KIF14: variants seen among roughly 807,000 people sequenced by gnomAD.
KIF14 encodes the protein kinesin-like protein KIF14.
In KIF14, 98 loss-of-function variants were observed where a neutral mutation model predicts 176.2. The ratio of observed to expected loss-of-function variants is 0.56; its 90% CI spans 0.47 to 0.66. KIF14 has a LOEUF of 0.66. Ranked by LOEUF, KIF14 falls within the 30% of genes least tolerant of loss-of-function variation. The probability of loss-of-function intolerance (pLI) is 0.00; values close to 1 mark genes in which losing one functional copy is unlikely to be tolerated. For synonymous variants in KIF14, 566 were observed against 632.2 expected, an observed-to-expected ratio of 0.90 and a Z score of 1.57; for missense variants, 1,751 against 1,920.4, an observed-to-expected ratio of 0.91 and a Z score of 1.65.
chr1:200,618,144 TA>T lies in KIF14; in HGVS notation c.579del (p.Asp193GlufsTer32). On this transcript the variant is annotated frameshift_variant, in exon 2 of 30. Coordinates refer to ENST00000367350, the MANE Select transcript of KIF14 (RefSeq NM_014875.3). LOFTEE classifies it high-confidence loss of function. The stretch of plus-strand genomic sequence containing the variant: ...GCAGAAAATGTTTCTTTGTATTTCT[TA>T]TCAGCCATCATTTCAATGACCTGTG... The part of the protein sequence containing the change: ...EDPQVIEMMA[D>X]KKYKETFSAP... The T allele has an allele frequency of 6.2e-7, 1 of 1,614,082 alleles. No homozygotes were observed. The highest frequency in any genetic ancestry group is 8.5e-7 in the Non-Finnish European group (1 of 1,180,014).
At chr1:200,605,236 C>T (rs1202360916) in intron 8 of KIF14, 47 bp downstream of exon 8, 1 of 1,522,284 alleles carries the variant, frequency 6.6e-7, no homozygotes, top group African/African-American at 1.4e-5. Context: ...TCTGGGTTAT[C>T]ACCAGGGTGA....
intron 2 of KIF14, among the ~76,000 whole-genome samples, chr1:200,616,559 C>A (rs773102097): frequency 2.0e-5 from 3 of 152,188 alleles, no homozygotes; most frequent in African/African-American, 4.8e-5. Context: ...GTATAACTTG[C>A]CTTTAACTAC....
chr1:200,610,366 C>T (rs149450549), intron 4 of KIF14, among the ~76,000 whole-genome samples: 2,783 of 151,902 alleles, frequency 0.018, 99 homozygotes, highest in East Asian at 0.13. Context: ...AAAAATTAGC[C>T]GGGCGTGGTG....
At chr1:200,567,369 G>A (rs1300228200) in intron 23 of KIF14, among the ~76,000 whole-genome samples, 6 of 151,692 alleles carry the variant, frequency 4.0e-5, no homozygotes, top group Non-Finnish European at 7.4e-5. Context: ...GTGAAACCCC[G>A]TCTCTACTAA....
chr1:200,556,860 T>C (rs996137556), intron 27 of KIF14, among the ~76,000 whole-genome samples: 9 of 152,218 alleles, frequency 5.9e-5, no homozygotes. Context: ...TGAATGAGCC[T>C]TTGACAGCCC....
chr1:200,587,952 G>C (rs1018751412), intron 18 of KIF14, among the ~76,000 whole-genome samples: 1 of 152,088 alleles, frequency 6.6e-6, no homozygotes, highest in African/African-American at 2.4e-5. Flanking sequence ...TATAATAACT[G>C]TATTATGGTA....
At chr1:200,590,335 C>T in intron 16 of KIF14, 63 bp from the exon 17 acceptor site, 2 of 1,349,294 alleles carry the variant, frequency 1.5e-6, no homozygotes, top group Non-Finnish European at 2.0e-6. Flanking sequence ...CATAATAGTT[C>T]TTAATCCTAC....
At chr1:200,556,895 C>T (rs986928444) in intron 27 of KIF14, among the ~76,000 whole-genome samples, 2 of 152,226 alleles carry the variant, frequency 1.3e-5, no homozygotes, top group Non-Finnish European at 2.9e-5. Flanking sequence ...TTCAAAGTTG[C>T]ACTATGGAAC....
At chr1:200,596,052 G>C (rs572689159) in intron 14 of KIF14, among the ~76,000 whole-genome samples, 1 of 151,642 alleles carries the variant, frequency 6.6e-6, no homozygotes, top group South Asian at 2.1e-4. Flanking sequence ...GTGGGAGTTT[G>C]AGACCAGCCT....
In KIF14 at chr1:200,589,350, T is replaced by C; in HGVS notation, c.2981A>G (p.Lys994Arg). The change falls in exon 18 of 30, where the codon AAA (lysine) becomes AGA (arginine). Residue 994 changes from lysine to arginine, a missense_variant. Transcript: ENST00000367350. ...CTGGTTATTTATTTCCTGCATTTTT[T>C]TCCTTTGAGACTCTTCTCTCTTTAA... ...EAELREESQR[K>R]KMQEINNQKA... The C allele has an allele frequency of 6.2e-7, 1 of 1,609,330 alleles. No individual in the cohort carries two copies. The highest frequency in any genetic ancestry group is 8.5e-7 in the Non-Finnish European group (1 of 1,177,330).
chr1:200,575,607 A>G lies in KIF14; in HGVS notation c.3550T>C (p.Ser1184Pro). ...EPDITDAPVSSLSRRRSRSLM... is the reference protein window; with the variant it reads ...EPDITDAPVSPLSRRRSRSLM... ...TGTCTTTACCTCCTTCTAGAAAGTG[A>G]AGAAACTGGTGCATCTGTAATGTCG... Residue 1184 changes from serine to proline, a missense_variant, in exon 22 of 30, where the codon TCA becomes CCA. Coordinates refer to ENST00000367350, the MANE Select transcript of KIF14 (RefSeq NM_014875.3). The G allele has an allele frequency of 6.3e-7, 1 of 1,581,348 alleles. No individual in the cohort carries two copies. Among genetic ancestry groups the G allele is most frequent in the Non-Finnish European group, 8.6e-7 (1 of 1,160,384 alleles).
chr1:200,569,379 G>T (rs1345551503), intron 23 of KIF14, among the ~76,000 whole-genome samples: 1 of 151,914 alleles, frequency 6.6e-6, no homozygotes, highest in Admixed American at 6.6e-5. Context: ...TAAAAAAATT[G>T]AAATAATTTT....
At chr1:200,615,665 T>C (rs551788070) in intron 2 of KIF14, 56 bp from the exon 3 acceptor site, 4 of 1,441,834 alleles carry the variant, frequency 2.8e-6, no homozygotes, top group Admixed American at 3.9e-5. Context: ...AGGGTATTAT[T>C]CTCACAGAAC....
intron 19 of KIF14, among the ~76,000 whole-genome samples, chr1:200,582,348 G>A (rs189660202): frequency 1.8e-3 from 277 of 151,456 alleles, no homozygotes; most frequent in African/African-American, 6.2e-3. Context: ...ACCCCAGCCT[G>A]TGTGACAGAG....
Position 200,618,605 on chromosome 1 carries a change from A to G in KIF14, c.119T>C (p.Leu40Ser). ...LTHSSRLKLH[L>S]KSDMSECEND... The stretch of plus-strand genomic sequence containing the variant: ...TTCACATTCTGACATATCCGACTTC[A>G]AATGCAGCTTAAGTCGGCTACTGTG... The change falls in exon 2 of 30, where the codon TTG becomes TCG. Residue 40 changes from leucine to serine, a missense_variant. Leu to Ser is a moderately radical substitution (Grantham distance 145). Transcript: ENST00000367350. 1.9e-6 allele frequency: 3 copies of G among 1,614,162 alleles called. No individual in the cohort carries two copies. Among genetic ancestry groups the G allele is most frequent in the Non-Finnish European group, 2.5e-6 (3 of 1,180,030 alleles).
chr1:200,592,558 T>A (rs754624070), intron 15 of KIF14, among the ~76,000 whole-genome samples: 1 of 152,164 alleles, frequency 6.6e-6, no homozygotes, highest in Non-Finnish European at 1.5e-5. Flanking sequence ...GCATTTTTAG[T>A]AGAGATGGGG....
At position 200,603,293 on chromosome 1, in the gene KIF14, A is replaced by T. The variant is rs757007287; in HGVS notation, c.1912T>A (p.Ser638Thr). ...TGGTTTGCTTGTTCCGAAAGTGCAG[A>T]TATAACTTTTCCCAAAGTTAGCAAG... The part of the protein sequence containing the change: ...KSLLTLGKVI[S>T]ALSEQANQRS... Residue 638 changes from serine to threonine, a missense_variant, in exon 10 of 30, where the codon TCT becomes ACT. By Grantham distance (58) the Ser-to-Thr change is moderately conservative. Transcript: ENST00000367350. The T allele has an allele frequency of 7.5e-6, 12 of 1,610,190 alleles. No homozygotes were observed. The highest frequency in any genetic ancestry group is 9.3e-6 in the Non-Finnish European group (11 of 1,177,338).
At chr1:200,562,069 A>C (rs1321761471) in intron 25 of KIF14, among the ~76,000 whole-genome samples, 1 of 152,172 alleles carries the variant, frequency 6.6e-6, no homozygotes, top group African/African-American at 2.4e-5. Flanking sequence ...TCTCTTCAAA[A>C]TATTTCTCCT....
In KIF14 at chr1:200,614,325, G is replaced by T; in HGVS notation, c.1448C>A (p.Thr483Asn). 6.3e-7 allele frequency: 1 copy of T among 1,586,678 alleles called. No individual in the cohort carries two copies. The highest frequency in any genetic ancestry group is 2.2e-5 in the East Asian group (1 of 44,678). ...DLFSQVARKQ[T>N]QEVSYHIEMS... ...GGTATTATAAGAACATACCTCTTGGGTTTGTTTTCTGGCTACTTGAGAAAA... is the reference window on the plus strand; with the variant it reads ...GGTATTATAAGAACATACCTCTTGGTTTTGTTTTCTGGCTACTTGAGAAAA... The change falls in exon 4 of 30, where the codon ACC (threonine) becomes AAC (asparagine). Residue 483 changes from threonine to asparagine, a missense_variant. Thr to Asn is a moderately conservative substitution (Grantham distance 65). Coordinates refer to ENST00000367350, the MANE Select transcript of KIF14 (RefSeq NM_014875.3).
Sources: allele counts gnomAD v4.1 joint callset (sites outside exome capture counted in the v4.1 genomes callset), GRCh38; gene constraint gnomAD v4.1.1; transcripts MANE v1.5; gene names NCBI Gene and HGNC (gene_info 2026-07-23, HGNC 2026-07-21).